The following TET1 variants were observed in gnomAD, a reference collection of about 807,000 sequenced individuals.
TET1 encodes the protein methylcytosine dioxygenase TET1.
A neutral mutation model predicts 148.7 loss-of-function variants in TET1; 13 were observed. The ratio of observed to expected loss-of-function variants is 0.09; its 90% confidence interval spans 0.06 to 0.14. The LOEUF is 0.14. Ranked by LOEUF, TET1 falls within the 10% of genes least tolerant of loss-of-function variation. The pLI is 1.00. For missense variants in TET1, 2,182 were observed against 2,553.8 expected (o/e 0.85, Z 3.14); for synonymous variants, 907 against 937.2 (o/e 0.97, Z 0.59).
Position 68,646,619 on chromosome 10 carries a change from A to G in TET1, c.3890A>G (p.His1297Arg). Residue 1297 changes from histidine to arginine, a missense_variant, in exon 4 of 12, where the codon CAT (histidine) becomes CGT (arginine). Around this residue, in one of 11 missense-constraint regions of TET1, gnomAD observed 582 missense variants for 599.5 expected, o/e 0.97. Coordinates refer to ENST00000373644, the MANE Select transcript of TET1 (RefSeq NM_030625.3). Reference sequence around the variant, plus strand: ...ACGGTGAATGCCAATCAGAAAGCCCATCCTTTGACCCAGCCCTCCTCTCCA... The same window carrying G: ...ACGGTGAATGCCAATCAGAAAGCCCGTCCTTTGACCCAGCCCTCCTCTCCA... The part of the protein sequence containing the change: ...QLTVNANQKA[H>R]PLTQPSSPPN... The G allele has an allele frequency of 6.2e-7, 1 of 1,614,192 alleles. No homozygotes were observed. Among genetic ancestry groups the G allele is most frequent in the Non-Finnish European group, 8.5e-7 (1 of 1,180,040 alleles).
intron 3 of TET1, among the ~76,000 whole-genome samples, chr10:68,617,923 C>CTTT (rs201768259): frequency 3.4e-5 from 5 of 145,150 alleles, no homozygotes; most frequent in Non-Finnish European, 6.1e-5. Flanking sequence ...CTTTCTTTCT[C>CTTT]TTTTTTTTTT....
In TET1 at chr10:68,563,998, C is replaced by G. The variant is rs546662022; in HGVS notation, c.-123+3256C>G. Among the ~76,000 whole-genome samples, 16 of 152,162 alleles carry G rather than the reference C, an allele frequency of 1.1e-4. No homozygotes were observed. The South Asian group carries it at 1.7e-3, about 16-fold the overall frequency. ...CACCAGCCAGTTCTTTGCAGAAAACCCTTACACTTTAAGAAGCCAGCTTTT... is the reference window on the plus strand; with the variant it reads ...CACCAGCCAGTTCTTTGCAGAAAACGCTTACACTTTAAGAAGCCAGCTTTT... On this transcript the variant is annotated intron_variant, in intron 1 of 11. Transcript: ENST00000373644.
Position 68,646,084 on chromosome 10 carries a change from G to A in TET1, c.3355G>A (p.Glu1119Lys). Residue 1119 changes from glutamate to lysine, a missense_variant, in exon 4 of 12, where the codon GAG becomes AAG. By Grantham distance (56) the Glu-to-Lys change is moderately conservative. This residue lies in a region of TET1 where 582 missense variants were observed against 599.5 expected (regional missense o/e 0.97). Coordinates refer to ENST00000373644, the MANE Select transcript of TET1 (RefSeq NM_030625.3). ...TCNVQQKYNQ[E>K]KGTIQQKPPS... ...TAATGTACAGCAAAAATACAATCAG[G>A]AGAAGGGCACAATACAACAGAAACC... The A allele has an allele frequency of 6.2e-7, 1 of 1,613,990 alleles. No individual in the cohort carries two copies. Among genetic ancestry groups the A allele is most frequent in the Non-Finnish European group, 8.5e-7 (1 of 1,180,000 alleles).
intron 7 of TET1, among the ~76,000 whole-genome samples, chr10:68,668,856 T>C (rs901923518): frequency 1.6e-4 from 24 of 152,322 alleles, no homozygotes; most frequent in Admixed American, 6.5e-5. Context: ...TGATGGCATA[T>C]GCCTGTAGTC....
chr10:68,617,098 T>C (rs1218800601), intron 3 of TET1, among the ~76,000 whole-genome samples: 1 of 126,046 alleles, frequency 7.9e-6, no homozygotes, highest in African/African-American at 3.0e-5. Flanking sequence ...GCGATCTCAC[T>C]GCAAGCTCCG....
At chr10:68,605,278 G>A (rs2054108014) in intron 3 of TET1, among the ~76,000 whole-genome samples, 1 of 152,062 alleles carries the variant, frequency 6.6e-6, no homozygotes, top group Admixed American at 6.6e-5. Flanking sequence ...TTCGAGACCA[G>A]CCTGACCAAC....
Position 68,646,628 on chromosome 10 carries a change from C to T in TET1, c.3899C>T (p.Thr1300Ile). The change falls in exon 4 of 12, where the codon ACC becomes ATC. Residue 1300 changes from threonine to isoleucine, a missense_variant. Around this residue, in one of 11 missense-constraint regions of TET1, gnomAD observed 582 missense variants for 599.5 expected, o/e 0.97. Coordinates refer to ENST00000373644, the MANE Select transcript of TET1 (RefSeq NM_030625.3). ...VNANQKAHPL[T>I]QPSSPPNQCA... is the part of the protein sequence containing the mutation. ...GCCAATCAGAAAGCCCATCCTTTGA[C>T]CCAGCCCTCCTCTCCACCTAACCAG... The T allele has an allele frequency of 6.2e-7, 1 of 1,614,174 alleles. No individual in the cohort carries two copies. The highest frequency in any genetic ancestry group is 8.5e-7 in the Non-Finnish European group (1 of 1,180,028).
At chr10:68,640,697 G>A (rs1304029589) in intron 3 of TET1, among the ~76,000 whole-genome samples, 7 of 150,528 alleles carry the variant, frequency 4.7e-5, no homozygotes, top group African/African-American at 7.3e-5. Context: ...GACTACAGGC[G>A]CCTGCCACCA....
intron 4 of TET1, among the ~76,000 whole-genome samples, chr10:68,648,253 TG>T (rs1288175732): frequency 6.6e-6 from 1 of 152,194 alleles, no homozygotes; most frequent in Non-Finnish European, 1.5e-5. Context: ...GCAGACCTTA[TG>T]AGAAATTTCC....
chr10:68,673,925 CTTTCTTTTTCTTTTTTTTT>C (rs1307990753), intron 8 of TET1, among the ~76,000 whole-genome samples: 40 of 87,952 alleles, frequency 4.5e-4, no homozygotes, highest in Admixed American at 8.9e-4. Flanking sequence ...TATCAGATTT[CTTTCTTTTTCTTTTTTTTT>C]TTTCTTTTTC....
At chr10:68,569,669 G>A (rs2795905) in intron 1 of TET1, among the ~76,000 whole-genome samples, 7,101 of 152,148 alleles carry the variant, frequency 0.047, 210 homozygotes, top group South Asian at 0.081. Context: ...CGTAATCTCC[G>A]CACTTGGGGA....
At chr10:68,664,507 G>A (rs1398801609) in intron 6 of TET1, among the ~76,000 whole-genome samples, 1 of 146,152 alleles carries the variant, frequency 6.8e-6, no homozygotes, top group African/African-American at 2.5e-5. Context: ...TCCCGCCTAA[G>A]CCTCCCAAGT....
intron 6 of TET1, among the ~76,000 whole-genome samples, chr10:68,661,052 C>CA (rs908822042): frequency 5.3e-5 from 8 of 150,674 alleles, no homozygotes; most frequent in Non-Finnish European, 8.9e-5. Context: ...TTTTTTGAGA[C>CA]AGAGTCTTGC....
At position 68,693,665 on chromosome 10, in the gene TET1, G is replaced by C. The variant is rs1451794912; in HGVS notation, c.*1851G>C. The C allele has an allele frequency of 4.3e-6, 1 of 232,092 alleles. No individual in the cohort carries two copies. Among genetic ancestry groups the C allele is most frequent in the Non-Finnish European group, 8.5e-6 (1 of 117,506 alleles). The allele number at this position is 232,092 out of a possible 1,614,324, so 14.4% of individuals were successfully genotyped here. On this transcript the variant is annotated 3_prime_UTR_variant, in exon 12 of 12. Transcript: ENST00000373644. ...TGTGTGCCTTAGATTTCCGTTTTAA[G>C]ACATGTATATTTTTGTGAGCCTAAG... is the stretch of plus-strand genomic sequence containing the variant.
intron 2 of TET1, among the ~76,000 whole-genome samples, chr10:68,585,745 G>A (rs1226370446): frequency 5.3e-5 from 8 of 151,730 alleles, no homozygotes; most frequent in Non-Finnish European, 7.4e-5. Context: ...GCACGGTGGC[G>A]CACACCTGTA....
chr10:68,660,742 C>A (rs1004364761), intron 6 of TET1, among the ~76,000 whole-genome samples: 2 of 151,256 alleles, frequency 1.3e-5, no homozygotes, highest in African/African-American at 2.4e-5. Context: ...CCCACTGAAA[C>A]CTCTGCCTCC....
intron 3 of TET1, among the ~76,000 whole-genome samples, chr10:68,621,618 A>G (rs567280627): frequency 6.6e-6 from 1 of 152,168 alleles, no homozygotes; most frequent in Non-Finnish European, 1.5e-5. Flanking sequence ...AATCTGGCTG[A>G]TTAAATACCA....
intron 3 of TET1, among the ~76,000 whole-genome samples, chr10:68,605,696 G>C (rs1389007232): frequency 1.3e-5 from 2 of 152,092 alleles, no homozygotes; most frequent in Non-Finnish European, 2.9e-5. Flanking sequence ...TGTATTTTTA[G>C]TAGAGACGAG....
At chr10:68,688,067 C>T (rs976123078) in intron 11 of TET1, among the ~76,000 whole-genome samples, 3 of 152,030 alleles carry the variant, frequency 2.0e-5, no homozygotes, top group African/African-American at 4.8e-5. Flanking sequence ...GAACTATAGG[C>T]GTGCACCACA....
Sources: allele counts gnomAD v4.1 joint callset (sites outside exome capture counted in the v4.1 genomes callset), GRCh38; gene constraint gnomAD v4.1.1; regional missense constraint gnomAD v4.1.1; transcripts MANE v1.5; gene names NCBI Gene and HGNC (gene_info 2026-07-23, HGNC 2026-07-21).